The following DLGAP2 variants were observed in gnomAD, a reference collection of about 807,000 sequenced individuals.
DLGAP2 encodes DLG associated protein 2, also known as disks large-associated protein 2.
Under a neutral mutation model 100.3 loss-of-function variants are expected in DLGAP2, and 26 were observed. That is an observed-to-expected ratio of 0.26 (90% CI 0.19 to 0.36). DLGAP2 has a LOEUF of 0.36. Among genes scored for constraint, DLGAP2 ranks in the 10% least tolerant of loss-of-function variants. The probability of loss-of-function intolerance (pLI) is 1.00; values close to 1 mark genes in which losing one functional copy is unlikely to be tolerated. For missense variants in DLGAP2, 1,858 were observed against 1,453.2 expected, an observed-to-expected ratio of 1.28 and a Z score of -4.53; for synonymous variants, 886 against 630.1, an observed-to-expected ratio of 1.41 and a Z score of -6.08.
chr8:1,140,976 C>G (rs992320328), intron 2 of DLGAP2, among the ~76,000 whole-genome samples: 3 of 152,182 alleles, frequency 2.0e-5, no homozygotes, highest in African/African-American at 7.2e-5. Flanking sequence ...GGGCAAGACT[C>G]TGTCTCAAAA....
chr8:1,659,129 G>A (rs2130822035), intron 8 of DLGAP2, among the ~76,000 whole-genome samples: 1 of 152,294 alleles, frequency 6.6e-6, no homozygotes, highest in Middle Eastern at 3.4e-3. Flanking sequence ...AGATTGTTCA[G>A]TTTCCATGTA....
At chr8:1,138,471 C>T (rs1040542085) in intron 2 of DLGAP2, among the ~76,000 whole-genome samples, 3 of 152,340 alleles carry the variant, frequency 2.0e-5, no homozygotes, top group Admixed American at 6.5e-5. Flanking sequence ...TCATGGCCAT[C>T]GGCCCTCAGG....
intron 3 of DLGAP2, among the ~76,000 whole-genome samples, chr8:1,439,252 G>A (rs1408410639): frequency 6.6e-6 from 1 of 152,198 alleles, no homozygotes; most frequent in South Asian, 2.1e-4. Context: ...TGAACAGCAC[G>A]TGGCAGCCGG....
intron 4 of DLGAP2, among the ~76,000 whole-genome samples, chr8:1,504,903 C>G (rs1398843060): frequency 6.6e-6 from 1 of 152,112 alleles, no homozygotes; most frequent in Non-Finnish European, 1.5e-5. Flanking sequence ...AAGTGGGATT[C>G]CTGGATTATT....
At chr8:1,046,266 A>G (rs1450751332) in intron 2 of DLGAP2, among the ~76,000 whole-genome samples, 3 of 152,246 alleles carry the variant, frequency 2.0e-5, no homozygotes, top group Non-Finnish European at 2.9e-5. Flanking sequence ...AATCCATGCC[A>G]TAGGACATTT....
At chr8:1,475,981 T>C (rs9314428) in intron 3 of DLGAP2, among the ~76,000 whole-genome samples, 98,555 of 152,056 alleles carry the variant, frequency 0.65, 32,191 homozygotes, top group Admixed American at 0.7. Flanking sequence ...CAAGTTTAAT[T>C]TTGCTGGAGG....
intron 2 of DLGAP2, among the ~76,000 whole-genome samples, chr8:951,172 A>T (rs566987984): frequency 6.6e-6 from 1 of 152,180 alleles, no homozygotes; most frequent in South Asian, 2.1e-4. Flanking sequence ...GTGTGCCTAT[A>T]CCATAATTTA....
chr8:1,201,299 G>C (rs373375799), intron 2 of DLGAP2, among the ~76,000 whole-genome samples: 8 of 152,214 alleles, frequency 5.3e-5, no homozygotes, highest in African/African-American at 1.9e-4. Flanking sequence ...TCCCCGCGCA[G>C]GTGTGAGGCC....
At chr8:1,430,015 T>TATATATATATATATATATATATATAC (rs1797375109) in intron 3 of DLGAP2, among the ~76,000 whole-genome samples, 2 of 90,768 alleles carry the variant, frequency 2.2e-5, no homozygotes, top group African/African-American at 4.5e-5. Context: ...TACATATATA[T>TATATATATATATATATATATATATAC]ATATATATAT....
chr8:1,220,550 C>T (rs1052658471), intron 2 of DLGAP2, among the ~76,000 whole-genome samples: 12 of 151,984 alleles, frequency 7.9e-5, no homozygotes, highest in African/African-American at 1.4e-4. Context: ...GAATATGTGC[C>T]GTGTGGAGAT....
intron 6 of DLGAP2, among the ~76,000 whole-genome samples, chr8:1,602,812 C>G: frequency 6.6e-6 from 1 of 152,256 alleles, no homozygotes; most frequent in East Asian, 1.9e-4. Context: ...AGCTCTCATG[C>G]TTCCCATGCT....
intron 3 of DLGAP2, among the ~76,000 whole-genome samples, chr8:1,499,900 G>A (rs905896897): frequency 1.3e-5 from 2 of 148,370 alleles, no homozygotes; most frequent in Non-Finnish European, 3.0e-5. Context: ...GATGGTGATT[G>A]CAGTGTAAGT....
At chr8:1,018,083 C>T (rs992444797) in intron 2 of DLGAP2, among the ~76,000 whole-genome samples, 1 of 150,040 alleles carries the variant, frequency 6.7e-6, no homozygotes, top group Non-Finnish European at 1.5e-5. Flanking sequence ...GCTCAGTCAG[C>T]TGCATTGACC....
chr8:848,977 A>C (rs578245315), intron 1 of DLGAP2, among the ~76,000 whole-genome samples: 129 of 110,374 alleles, frequency 1.2e-3, no homozygotes, highest in African/African-American at 2.5e-3. Flanking sequence ...TAGGATCGTG[A>C]GGTGCCTGTT....
intron 2 of DLGAP2, among the ~76,000 whole-genome samples, chr8:1,062,865 C>T (rs1023225346): frequency 6.6e-6 from 1 of 152,156 alleles, no homozygotes; most frequent in African/African-American, 2.4e-5. Context: ...CAGTCTTCAG[C>T]TATAACCATT....
chr8:906,712 C>T (rs1233478776), intron 1 of DLGAP2, among the ~76,000 whole-genome samples: 7 of 152,210 alleles, frequency 4.6e-5, no homozygotes, highest in East Asian at 1.9e-4. Flanking sequence ...CCTCCCTGCC[C>T]CGACTGTCTC....
chr8:1,155,201 T>C (rs1796759121), intron 2 of DLGAP2, among the ~76,000 whole-genome samples: 1 of 152,130 alleles, frequency 6.6e-6, no homozygotes, highest in African/African-American at 2.4e-5. Context: ...ACACCAGGGT[T>C]TCTAGGAACG....
intron 6 of DLGAP2, among the ~76,000 whole-genome samples, chr8:1,593,934 A>G (rs979235043): frequency 1.3e-5 from 2 of 152,198 alleles, no homozygotes; most frequent in Admixed American, 1.3e-4. Flanking sequence ...ACTGGCATCT[A>G]CCTTCCAAGC....
rs147937375 is a variant in DLGAP2 at position 1,443,769 on chromosome 8, A to T, written c.107-57597A>T. Among the ~76,000 whole-genome samples the T allele has an allele frequency of 7.8e-3, 1,187 of 152,240 alleles. 24 individuals carry two copies. The highest frequency in any genetic ancestry group is 0.028 in the African/African-American group (1,152 of 41,516). ...TGGGGGAAACTGCCCTCGTGATTCA[A>T]TTATCTCCACCTGGCCCCACCCTTG... On this transcript the variant is annotated intron_variant, in intron 3 of 14. Coordinates refer to ENST00000637795, the MANE Select transcript of DLGAP2 (RefSeq NM_001346810.2).
Sources: gnomAD v4.1 joint callset for allele counts (sites outside exome capture counted in the v4.1 genomes callset) on GRCh38, gnomAD v4.1.1 for gene constraint, MANE v1.5 for transcripts, NCBI Gene and HGNC (gene_info 2026-07-23, HGNC 2026-07-21) for gene names.